Variants in SPATS2 observed in about 807,000 individuals in gnomAD.
The protein encoded by SPATS2 is spermatogenesis-associated serine-rich protein 2.
SPATS2 carries 38 observed loss-of-function variants against 63.7 expected under a neutral mutation model. That is an observed-to-expected ratio of 0.60 (90% CI 0.46 to 0.78). The LOEUF is 0.78. Among genes scored for constraint, SPATS2 ranks in the 30% least tolerant of loss-of-function variants. The pLI, the probability that SPATS2 is intolerant of heterozygous loss-of-function variation, is 0.00. For missense variants in SPATS2, 588 were observed against 666.2 expected (o/e 0.88, Z 1.29); for synonymous variants, 207 against 232.9 (o/e 0.89, Z 1.01).
chr12:49,469,616 C>T lies in SPATS2; in HGVS notation c.25+8579C>T, dbSNP rs551122373. The T allele has an allele frequency of 4.3e-4, 178 of 413,346 alleles. 3 individuals carry two copies. The highest frequency in any genetic ancestry group is 2.6e-3 in the Middle Eastern group (3 of 1,166). The allele number at this position is 413,346 out of a possible 1,614,324, so 25.6% of individuals were successfully genotyped here. A position where few individuals can be genotyped will look rare whatever the true frequency, so the allele number is the denominator to read the frequency against. On this transcript the variant is annotated intron_variant, in intron 3 of 13. Coordinates refer to ENST00000552918, the MANE Select transcript of SPATS2 (RefSeq NM_023071.4). Reference sequence around the variant, plus strand: ...TCACAGCTGAGAAATATGGGCCAGGCACAGTGGCTCACATCTGTAATTCCA... The same window carrying T: ...TCACAGCTGAGAAATATGGGCCAGGTACAGTGGCTCACATCTGTAATTCCA...
At chr12:49,385,084 C>T (rs1469279517) in intron 2 of SPATS2, among the ~76,000 whole-genome samples, 1 of 152,088 alleles carries the variant, frequency 6.6e-6, no homozygotes, top group Admixed American at 6.6e-5. Context: ...GCTAGGATTA[C>T]AGGTGTGACC....
chr12:49,444,910 C>T (rs141881499), intron 2 of SPATS2, among the ~76,000 whole-genome samples: 1 of 152,204 alleles, frequency 6.6e-6, no homozygotes, highest in East Asian at 1.9e-4. Flanking sequence ...AGCCAGATAC[C>T]ATTACTTTTT....
At chr12:49,402,882 T>A (rs1163215234) in intron 2 of SPATS2, among the ~76,000 whole-genome samples, 1 of 152,094 alleles carries the variant, frequency 6.6e-6, no homozygotes, top group Non-Finnish European at 1.5e-5. Context: ...ACACTACGGA[T>A]AGGACTATAG....
At chr12:49,443,097 G>A (rs995687827) in intron 2 of SPATS2, among the ~76,000 whole-genome samples, 4 of 152,114 alleles carry the variant, frequency 2.6e-5, no homozygotes, top group African/African-American at 9.7e-5. Context: ...CTTTAAGGCC[G>A]AATAATATTC....
At chr12:49,417,593 A>G (rs183929576) in intron 2 of SPATS2, among the ~76,000 whole-genome samples, 89 of 152,234 alleles carry the variant, frequency 5.8e-4, no homozygotes, top group Admixed American at 4.4e-3. Context: ...TGTAGAGGCT[A>G]TTGTGTTTTG....
At position 49,469,542 on chromosome 12, in the gene SPATS2, T is replaced by TAAAAAAAAA. The variant is rs748722366; in HGVS notation, c.25+8519_25+8527dup. ...GTCACTGCACTATGGGCTGGGTCTCTAAAAAAAAAAAAAAAAAAAAAAGAA... is the reference window on the plus strand; with the variant it reads ...GTCACTGCACTATGGGCTGGGTCTCTAAAAAAAAAAAAAAAAAAAAAAAAAAAAAAAGAA... On this transcript the variant is annotated intron_variant, in intron 3 of 13. Transcript: ENST00000552918. 4.4e-4 allele frequency: 142 copies of TAAAAAAAAA among 319,634 alleles called. 12 individuals are homozygous for TAAAAAAAAA. The highest frequency in any genetic ancestry group is 8.9e-4 in the South Asian group (44 of 49,516). 19.8% of individuals were successfully genotyped at this position (319,634 alleles called of 1,614,324 possible). A position where few individuals can be genotyped will look rare whatever the true frequency, so the allele number is the denominator to read the frequency against.
At chr12:49,499,340 G>A (rs1280243038) in intron 8 of SPATS2, among the ~76,000 whole-genome samples, 2 of 152,136 alleles carry the variant, frequency 1.3e-5, no homozygotes, top group Admixed American at 1.3e-4. Context: ...TCTGGCTGGT[G>A]TGAGCACAAA....
intron 10 of SPATS2, among the ~76,000 whole-genome samples, chr12:49,516,191 ATATATAT>A (rs1946845511): frequency 3.8e-5 from 4 of 104,734 alleles, no homozygotes; most frequent in African/African-American, 1.1e-4. Context: ...ATATATATAT[ATATATAT>A]ATATATATAT....
rs1199269914 is a variant in SPATS2, at chr12:49,421,235, T to C, written c.-243-39535T>C. On this transcript the variant is annotated intron_variant, in intron 2 of 13. Coordinates refer to ENST00000552918, the MANE Select transcript of SPATS2 (RefSeq NM_023071.4). ...GAGTTCAAGACCAGCCTGGCCAACA[T>C]AGCAAAAGCCCGTCTCTACTAAAAA... Among the ~76,000 whole-genome samples the C allele has an allele frequency of 3.3e-5, 5 of 151,928 alleles. No homozygotes were observed. In the South Asian group the frequency reaches 6.2e-4, roughly 19 times the overall value.
At chr12:49,450,748 T>G (rs1032550407) in intron 2 of SPATS2, among the ~76,000 whole-genome samples, 3 of 152,096 alleles carry the variant, frequency 2.0e-5, no homozygotes, top group African/African-American at 7.2e-5. Context: ...TTCTCCATGT[T>G]GATCAGGCTG....
chr12:49,389,022 G>A (rs1944371106), intron 2 of SPATS2, among the ~76,000 whole-genome samples: 1 of 152,032 alleles, frequency 6.6e-6, no homozygotes, highest in South Asian at 2.1e-4. Flanking sequence ...TGTATATATG[G>A]AGTCCTTTTT....
chr12:49,391,364 T>G (rs1287018663), intron 2 of SPATS2, among the ~76,000 whole-genome samples: 1 of 152,108 alleles, frequency 6.6e-6, no homozygotes. Context: ...ATACAAAAAT[T>G]AGCTGGTCGT....
chr12:49,454,838 C>G (rs1409244008), intron 2 of SPATS2, among the ~76,000 whole-genome samples: 1 of 150,756 alleles, frequency 6.6e-6, no homozygotes, highest in African/African-American at 2.4e-5. Context: ...CAGGGTCGCA[C>G]TGCTGCACTC....
At chr12:49,516,000 C>T (rs1396305923) in intron 10 of SPATS2, among the ~76,000 whole-genome samples, 1 of 150,914 alleles carries the variant, frequency 6.6e-6, no homozygotes, top group African/African-American at 2.4e-5. Context: ...ATTAGCTGGG[C>T]ATGGTGGCAC....
At chr12:49,514,670 T>TATTTA in intron 10 of SPATS2, 57 bp downstream of exon 10, 3 of 1,493,564 alleles carry the variant, frequency 2.0e-6, no homozygotes, top group Non-Finnish European at 2.8e-6. Flanking sequence ...AGGTACCTAC[T>TATTTA]TCCCAACCCT....
chr12:49,410,992 G>A (rs186370476), intron 2 of SPATS2, among the ~76,000 whole-genome samples: 2 of 152,158 alleles, frequency 1.3e-5, no homozygotes, highest in East Asian at 3.9e-4. Flanking sequence ...TGGGTTCTCT[G>A]TGGGAGGTGA....
chr12:49,380,243 T>A (rs1389694937), intron 2 of SPATS2, among the ~76,000 whole-genome samples: 1 of 150,852 alleles, frequency 6.6e-6, no homozygotes, highest in Non-Finnish European at 1.5e-5. Flanking sequence ...TACAGCTCTC[T>A]GCAGCCTCAA....
chr12:49,497,778 C>G (rs1025375977), intron 8 of SPATS2, among the ~76,000 whole-genome samples: 13 of 151,812 alleles, frequency 8.6e-5, no homozygotes, highest in African/African-American at 3.1e-4. Context: ...CAGACTCTAG[C>G]TTAGAAAAAG....
Position 49,422,227 on chromosome 12 carries a change from CA to C in SPATS2, c.-243-38542del, listed in dbSNP as rs541728629. Among the ~76,000 whole-genome samples, 20 of 152,322 alleles carry C rather than the reference CA, an allele frequency of 1.3e-4. No homozygotes were observed. The East Asian group carries it at 3.3e-3, about 25-fold the overall frequency. ...TGGAGCTAGGTTTGAATCACCACCT[CA>C]CCACTTACCAGCTCTTTGTTCTTGG... is the stretch of plus-strand genomic sequence containing the variant. On this transcript the variant is annotated intron_variant, in intron 2 of 13. Coordinates refer to ENST00000552918, the MANE Select transcript of SPATS2 (RefSeq NM_023071.4).
Sources: gnomAD v4.1 joint callset for allele counts (sites outside exome capture counted in the v4.1 genomes callset) on GRCh38, gnomAD v4.1.1 for gene constraint, MANE v1.5 for transcripts, NCBI Gene and HGNC (gene_info 2026-07-23, HGNC 2026-07-21) for gene names.